PCCA: variants seen among roughly 807,000 people sequenced by gnomAD.
The protein encoded by PCCA is propionyl-CoA carboxylase subunit alpha.
Under a neutral mutation model 101.3 loss-of-function variants are expected in PCCA, and 74 were observed. The ratio of observed to expected loss-of-function variants is 0.73; its 90% CI spans 0.61 to 0.89. The LOEUF (loss-of-function observed/expected upper bound fraction) is 0.89. Ranked by LOEUF, PCCA falls within the 40% of genes least tolerant of loss-of-function variation. PCCA has a pLI of 0.00. For missense variants in PCCA, 891 were observed against 907.0 expected (o/e 0.98, Z 0.23); for synonymous variants, 294 against 313.6 (o/e 0.94, Z 0.66).
intron 4 of PCCA, among the ~76,000 whole-genome samples, chr13:100,134,235 G>A (rs1216819516): frequency 1.3e-5 from 2 of 152,156 alleles, no homozygotes; most frequent in African/African-American, 2.4e-5. Flanking sequence ...ATATTTGGAT[G>A]GGTTTCTTGA....
intron 12 of PCCA, among the ~76,000 whole-genome samples, chr13:100,294,265 T>C (rs2065350143): frequency 6.6e-6 from 1 of 152,176 alleles, no homozygotes; most frequent in South Asian, 2.1e-4. Context: ...GAGCACTTCT[T>C]TAAAGACCAT....
chr13:100,207,902 C>T (rs2058962288), intron 6 of PCCA, among the ~76,000 whole-genome samples: 1 of 151,878 alleles, frequency 6.6e-6, no homozygotes, highest in South Asian at 2.1e-4. Context: ...CCTGTAGTCC[C>T]AGCTACTCGG....
intron 6 of PCCA, among the ~76,000 whole-genome samples, chr13:100,167,524 G>A (rs2055169190): frequency 6.6e-6 from 1 of 151,964 alleles, no homozygotes; most frequent in Admixed American, 6.6e-5. Context: ...AGTCCAGCCT[G>A]GGTGACAAAA....
At chr13:100,271,523 A>G (rs1205831889) in intron 11 of PCCA, among the ~76,000 whole-genome samples, 3 of 152,214 alleles carry the variant, frequency 2.0e-5, no homozygotes, top group Non-Finnish European at 1.5e-5. Flanking sequence ...AATGTGAGAA[A>G]TAAGACAGTA....
chr13:100,519,397 GA>G (rs1356395497), intron 22 of PCCA, among the ~76,000 whole-genome samples: 1 of 152,276 alleles, frequency 6.6e-6, no homozygotes, highest in Non-Finnish European at 1.5e-5. Context: ...TGATGGAATT[GA>G]CCTTCAGCAG....
chr13:100,311,593 A>G (rs928923074), intron 16 of PCCA, among the ~76,000 whole-genome samples: 4 of 152,038 alleles, frequency 2.6e-5, no homozygotes, highest in Non-Finnish European at 4.4e-5. Flanking sequence ...AACTTGGCAG[A>G]ACCCCGTCTC....
At chr13:100,220,688 C>T (rs771403354) in intron 7 of PCCA, among the ~76,000 whole-genome samples, 1 of 152,158 alleles carries the variant, frequency 6.6e-6, no homozygotes, top group African/African-American at 2.4e-5. Context: ...TTGCTCCCCA[C>T]TTTGTAACTA....
chr13:100,148,721 A>C (rs182274881), intron 4 of PCCA, among the ~76,000 whole-genome samples: 1 of 152,282 alleles, frequency 6.6e-6, no homozygotes, highest in Admixed American at 6.5e-5. Flanking sequence ...AAAAAACCCC[A>C]AAACACCTTT....
At chr13:100,524,677 G>A (rs750569379) in intron 22 of PCCA, among the ~76,000 whole-genome samples, 27 of 152,144 alleles carry the variant, frequency 1.8e-4, no homozygotes, top group Non-Finnish European at 3.5e-4. Context: ...TTTGAGACCA[G>A]CCTGGCCAAT....
At chr13:100,425,905 C>T (rs181304401) in intron 20 of PCCA, among the ~76,000 whole-genome samples, 174 bp downstream of exon 20, 110 of 152,184 alleles carry the variant, frequency 7.2e-4, no homozygotes, top group African/African-American at 2.6e-3. Flanking sequence ...AAGTTTTAAC[C>T]TGAGCATTTA....
chr13:100,335,931 G>A (rs1181581677), intron 17 of PCCA, among the ~76,000 whole-genome samples: 1 of 152,176 alleles, frequency 6.6e-6, no homozygotes, highest in East Asian at 1.9e-4. Flanking sequence ...GAGAGAACGG[G>A]CCTGGATTAG....
intron 19 of PCCA, among the ~76,000 whole-genome samples, chr13:100,412,570 T>C (rs996808861): frequency 5.3e-5 from 8 of 152,222 alleles, no homozygotes; most frequent in Non-Finnish European, 1.0e-4. Context: ...AATTTAACAG[T>C]TAAAAGTAAG....
At chr13:100,215,712 A>G (rs1306325762) in intron 7 of PCCA, among the ~76,000 whole-genome samples, 1 of 151,896 alleles carries the variant, frequency 6.6e-6, no homozygotes, top group African/African-American at 2.4e-5. Flanking sequence ...ATCTCGGCTC[A>G]CTGTAACCTC....
intron 8 of PCCA, among the ~76,000 whole-genome samples, chr13:100,240,752 A>G (rs1448254791): frequency 6.6e-6 from 1 of 152,116 alleles, no homozygotes; most frequent in Non-Finnish European, 1.5e-5. Flanking sequence ...ATACTAATCC[A>G]TTTTATTTTT....
chr13:100,372,780 C>T (rs573775899), intron 19 of PCCA, among the ~76,000 whole-genome samples: 1 of 152,152 alleles, frequency 6.6e-6, no homozygotes, highest in African/African-American at 2.4e-5. Context: ...CGCTCTGTCA[C>T]CCAGGCTAAA....
chr13:100,320,549 T>A (rs1313623987), intron 16 of PCCA, among the ~76,000 whole-genome samples: 1 of 152,252 alleles, frequency 6.6e-6, no homozygotes, highest in East Asian at 1.9e-4. Flanking sequence ...TGTTGAATTT[T>A]GTCAAAGGCC....
In PCCA at chr13:100,530,284, C is replaced by CATT. The variant is rs1336948492; in HGVS notation, c.*119_*121dup. The CATT allele has an allele frequency of 2.4e-6, 2 of 829,816 alleles. No individual in the cohort carries two copies. The highest frequency in any genetic ancestry group is 1.7e-5 in the African/African-American group (1 of 59,710). The allele number at this position is 829,816 out of a possible 1,614,324, so 51.4% of individuals were successfully genotyped here. On this transcript the variant is annotated 3_prime_UTR_variant, in exon 24 of 24. Coordinates refer to ENST00000376285, the MANE Select transcript of PCCA (RefSeq NM_000282.4). Reference sequence around the variant, plus strand: ...CCCTGTGCAGCTACGTTTACGTCGTCATTTATTCCACAGAGTCAAGACCAA... The same window carrying CATT: ...CCCTGTGCAGCTACGTTTACGTCGTCATTATTTATTCCACAGAGTCAAGACCAA...
chr13:100,332,270 G>T (rs565080472), intron 17 of PCCA, among the ~76,000 whole-genome samples: 1 of 152,192 alleles, frequency 6.6e-6, no homozygotes, highest in African/African-American at 2.4e-5. Flanking sequence ...ATTTATACAT[G>T]TATCCAGATA....
At chr13:100,470,770 A>C (rs1018104740) in intron 21 of PCCA, among the ~76,000 whole-genome samples, 1 of 152,288 alleles carries the variant, frequency 6.6e-6, no homozygotes, top group East Asian at 1.9e-4. Context: ...GAGGCGGGAG[A>C]ATCGCTTGAA....
Sources: allele counts gnomAD v4.1 joint callset (sites outside exome capture counted in the v4.1 genomes callset), GRCh38; gene constraint gnomAD v4.1.1; transcripts MANE v1.5; gene names NCBI Gene and HGNC (gene_info 2026-07-23, HGNC 2026-07-21).